MYO1D: variants seen among roughly 807,000 people sequenced by gnomAD.
The protein encoded by MYO1D is unconventional myosin-Id.
In MYO1D, 83 loss-of-function variants were observed where a neutral mutation model predicts 122.0. That is an observed-to-expected ratio of 0.68 (90% CI 0.57 to 0.82). The LOEUF is 0.82. Among genes scored for constraint, MYO1D ranks in the 40% least tolerant of loss-of-function variants. The probability of loss-of-function intolerance (pLI) is 0.00; values close to 1 mark genes in which losing one functional copy is unlikely to be tolerated. For missense variants in MYO1D, 1,157 were observed against 1,269.5 expected (o/e 0.91, Z 1.35); for synonymous variants, 464 against 446.9 (o/e 1.04, Z -0.48).
At chr17:32,591,139 T>A (rs1236830052) in intron 21 of MYO1D, among the ~76,000 whole-genome samples, 1 of 152,238 alleles carries the variant, frequency 6.6e-6, no homozygotes, top group Non-Finnish European at 1.5e-5. Flanking sequence ...GGCAGCCGCT[T>A]CTCAGTGCAG....
intron 1 of MYO1D, among the ~76,000 whole-genome samples, chr17:32,831,050 C>G (rs776762548): frequency 6.6e-6 from 1 of 151,834 alleles, no homozygotes; most frequent in African/African-American, 2.4e-5. Flanking sequence ...TGCAAGACTC[C>G]GTCTCGAATA....
intron 16 of MYO1D, among the ~76,000 whole-genome samples, chr17:32,696,378 AAAAC>A (rs1179332551): frequency 6.6e-6 from 1 of 152,228 alleles, no homozygotes; most frequent in Non-Finnish European, 1.5e-5. Flanking sequence ...AGTGGAAAAA[AAAAC>A]AACTTGCAGA....
At chr17:32,854,229 C>T (rs2091010801) in intron 1 of MYO1D, among the ~76,000 whole-genome samples, 2 of 152,156 alleles carry the variant, frequency 1.3e-5, no homozygotes, top group South Asian at 2.1e-4. Flanking sequence ...GGAATTTTAG[C>T]TTATTAATCA....
At chr17:32,758,380 A>T (rs2151014811) in intron 10 of MYO1D, among the ~76,000 whole-genome samples, 1 of 152,288 alleles carries the variant, frequency 6.6e-6, no homozygotes, top group East Asian at 1.9e-4. Context: ...ACAATTAAGG[A>T]AATATGAAAC....
chr17:32,610,255 T>G (rs2087683734), intron 20 of MYO1D, among the ~76,000 whole-genome samples: 1 of 151,980 alleles, frequency 6.6e-6, no homozygotes, highest in Non-Finnish European at 1.5e-5. Context: ...TGGGCTTCTC[T>G]CCCTCCCCTT....
rs144350465 is a variant in MYO1D at position 32,629,252 on chromosome 17, C to T, written c.2709+9470G>A. ...GAAAGGAATGAACAGGTTACGCACA[C>T]AGGATCTTTAGAGCAGTGAAACTGT... On this transcript the variant is annotated intron_variant, in intron 20 of 21. Coordinates refer to ENST00000318217, the MANE Select transcript of MYO1D (RefSeq NM_015194.3). Among the ~76,000 whole-genome samples, 357 of 151,918 alleles carry T rather than the reference C, an allele frequency of 2.3e-3. 5 individuals are homozygous for T. The highest frequency in any genetic ancestry group is 8.1e-3 in the African/African-American group (337 of 41,356).
At chr17:32,773,998 C>T (rs2090149689) in intron 4 of MYO1D, among the ~76,000 whole-genome samples, 2 of 152,106 alleles carry the variant, frequency 1.3e-5, no homozygotes, top group South Asian at 2.1e-4. Flanking sequence ...GACCTCTCCC[C>T]TCCTCCCCAG....
At chr17:32,694,366 A>T (rs750247840) in intron 16 of MYO1D, among the ~76,000 whole-genome samples, 8 of 152,188 alleles carry the variant, frequency 5.3e-5, no homozygotes, top group Non-Finnish European at 1.2e-4. Flanking sequence ...GGCACTTTTC[A>T]GCCATTATGG....
At chr17:32,741,963 C>T (rs1257714379) in intron 13 of MYO1D, among the ~76,000 whole-genome samples, 6 of 145,842 alleles carry the variant, frequency 4.1e-5, no homozygotes, top group South Asian at 2.2e-4. Context: ...TGCAGTGAGC[C>T]GAGATCGCGC....
chr17:32,549,411 AC>A (rs2086991788), intron 21 of MYO1D, among the ~76,000 whole-genome samples: 1 of 152,190 alleles, frequency 6.6e-6, no homozygotes, highest in East Asian at 1.9e-4. Flanking sequence ...ATCGTTTGTT[AC>A]AAATATAAAC....
intron 21 of MYO1D, among the ~76,000 whole-genome samples, chr17:32,573,713 C>T (rs1294581994): frequency 1.3e-5 from 2 of 152,020 alleles, no homozygotes; most frequent in Non-Finnish European, 2.9e-5. Context: ...TTTTTAGAGA[C>T]AGGGCCTTCT....
intron 10 of MYO1D, among the ~76,000 whole-genome samples, chr17:32,758,499 A>G (rs2089969842): frequency 1.3e-5 from 2 of 152,172 alleles, no homozygotes; most frequent in Non-Finnish European, 2.9e-5. Flanking sequence ...AGAGAAATAC[A>G]TGGAAATATT....
chr17:32,620,140 G>C (rs1002548691), intron 20 of MYO1D, among the ~76,000 whole-genome samples: 6 of 152,160 alleles, frequency 3.9e-5, no homozygotes, highest in Non-Finnish European at 5.9e-5. Flanking sequence ...TAGCCTCCAG[G>C]AGTGGGTGGA....
intron 21 of MYO1D, among the ~76,000 whole-genome samples, chr17:32,578,990 A>G (rs763089662): frequency 5.9e-5 from 9 of 152,230 alleles, no homozygotes; most frequent in Admixed American, 1.3e-4. Flanking sequence ...ACTCCTCTCA[A>G]CACAATCTCT....
chr17:32,700,946 AAAAAAAAAAAAAAG>A (rs2089240510), intron 16 of MYO1D, among the ~76,000 whole-genome samples: 1 of 140,742 alleles, frequency 7.1e-6, no homozygotes, highest in Non-Finnish European at 1.5e-5. Flanking sequence ...TCCATCTCAA[AAAAAAAAAAAAAAG>A]AAAAAAGAAA....
intron 21 of MYO1D, among the ~76,000 whole-genome samples, chr17:32,583,590 T>G (rs1567898107): frequency 6.6e-6 from 1 of 152,208 alleles, no homozygotes; most frequent in Non-Finnish European, 1.5e-5. Flanking sequence ...TGTGCTTCAT[T>G]TTGGATAGTT....
intron 6 of MYO1D, 106 bp downstream of exon 6, chr17:32,771,019 G>A: frequency 1.4e-6 from 1 of 738,640 alleles, no homozygotes; most frequent in Non-Finnish European, 2.2e-6. Flanking sequence ...TAAAAGAGAT[G>A]TTTATTTGCC....
At chr17:32,767,832 A>T in intron 6 of MYO1D, 80 bp from the exon 7 acceptor site, 1 of 1,047,208 alleles carries the variant, frequency 9.5e-7, no homozygotes, top group Admixed American at 1.8e-5. Flanking sequence ...ACTAAGTTAT[A>T]CCAAGGTTTT....
At chr17:32,516,496 T>C (rs1909895585) in intron 21 of MYO1D, among the ~76,000 whole-genome samples, 1 of 152,222 alleles carries the variant, frequency 6.6e-6, no homozygotes, top group South Asian at 2.1e-4. Context: ...ACATTTCCCC[T>C]TTTCCTGCCT....
Sources: gnomAD v4.1 joint callset for allele counts (sites outside exome capture counted in the v4.1 genomes callset) on GRCh38, gnomAD v4.1.1 for gene constraint, MANE v1.5 for transcripts, NCBI Gene and HGNC (gene_info 2026-07-23, HGNC 2026-07-21) for gene names.